The following FAM184A variants were observed in gnomAD, a reference collection of about 807,000 sequenced individuals.
The protein encoded by FAM184A is protein FAM184A.
FAM184A carries 99 observed loss-of-function variants against 143.8 expected under a neutral mutation model. That is an observed-to-expected ratio of 0.69 (90% CI 0.58 to 0.81). The LOEUF (loss-of-function observed/expected upper bound fraction) is 0.81, where lower values mean the gene tolerates loss of function less well. Ranked by LOEUF, FAM184A falls within the 40% of genes least tolerant of loss-of-function variation. The pLI, the probability that FAM184A is intolerant of heterozygous loss-of-function variation, is 0.00. For missense variants in FAM184A, 1,217 were observed against 1,310.5 expected, an observed-to-expected ratio of 0.93 and a Z score of 1.10; for synonymous variants, 427 against 446.4, an observed-to-expected ratio of 0.96 and a Z score of 0.55.
chr6:118,977,235 A>G (rs1422515363), intron 11 of FAM184A, among the ~76,000 whole-genome samples: 2 of 152,194 alleles, frequency 1.3e-5, no homozygotes, highest in Admixed American at 6.5e-5. Context: ...GATACACACA[A>G]TAACCTAGAT....
intron 1 of FAM184A, among the ~76,000 whole-genome samples, chr6:119,032,202 G>A (rs1392246899): frequency 6.6e-6 from 1 of 151,756 alleles, no homozygotes; most frequent in East Asian, 1.9e-4. Context: ...AACCTGAGAG[G>A]CGGAGGTTGC....
In FAM184A at chr6:119,063,351, G is replaced by A. The variant is rs570865027; in HGVS notation, c.159+14790C>T. On this transcript the variant is annotated intron_variant, in intron 1 of 17. Transcript: ENST00000338891. ...ACAATAAGACTTTACATTCTAAGAC[G>A]ATATATTCCATATTATTAGCCACAT... 6.2e-4 allele frequency among the ~76,000 whole-genome samples: 95 copies of A among 152,230 alleles called. 1 individual carries two copies. The highest frequency in any genetic ancestry group is 2.1e-3 in the African/African-American group (89 of 41,534).
intron 15 of FAM184A, 71 bp from the exon 16 acceptor site, chr6:118,964,842 C>T (rs765775033): frequency 2.9e-4 from 220 of 759,032 alleles, no homozygotes; most frequent in Non-Finnish European, 4.2e-4. Context: ...AATGTATAAA[C>T]GCCATTTCAT....
chr6:119,087,933 G>A (rs932327658), intron 1 of FAM184A, among the ~76,000 whole-genome samples: 9 of 152,056 alleles, frequency 5.9e-5, no homozygotes, highest in African/African-American at 2.2e-4. Flanking sequence ...AATGACACAT[G>A]GTCCATAAAT....
chr6:119,052,165 T>A (rs1786794184), intron 1 of FAM184A, among the ~76,000 whole-genome samples: 1 of 152,206 alleles, frequency 6.6e-6, no homozygotes, highest in Admixed American at 6.5e-5. Context: ...CAAGCATAAT[T>A]CAAAGACTGA....
At chr6:119,045,081 C>T (rs1360545160) in intron 1 of FAM184A, among the ~76,000 whole-genome samples, 3 of 152,140 alleles carry the variant, frequency 2.0e-5, no homozygotes, top group Non-Finnish European at 4.4e-5. Context: ...AACCTTTTGC[C>T]CCTTCATCCA....
chr6:119,068,234 A>G (rs998308238), intron 1 of FAM184A, among the ~76,000 whole-genome samples: 2 of 152,036 alleles, frequency 1.3e-5, no homozygotes, highest in Non-Finnish European at 2.9e-5. Context: ...TTTAGTAGAG[A>G]CAGGGTTTCA....
At chr6:119,043,421 T>C (rs1166105586) in intron 1 of FAM184A, among the ~76,000 whole-genome samples, 1 of 152,152 alleles carries the variant, frequency 6.6e-6, no homozygotes, top group Non-Finnish European at 1.5e-5. Flanking sequence ...CACAATCAAG[T>C]TTGCCTACTC....
At chr6:119,058,470 T>C (rs939161980) in intron 1 of FAM184A, among the ~76,000 whole-genome samples, 2 of 152,236 alleles carry the variant, frequency 1.3e-5, no homozygotes, top group African/African-American at 4.8e-5. Flanking sequence ...CCCAAAATGA[T>C]GGGATTACAG....
intron 1 of FAM184A, among the ~76,000 whole-genome samples, chr6:119,075,831 A>G (rs1787853283): frequency 1.3e-5 from 2 of 152,212 alleles, no homozygotes; most frequent in South Asian, 2.1e-4. Flanking sequence ...AGTATTTACA[A>G]TAAGTGTATA....
At chr6:119,057,846 T>G (rs953662816) in intron 1 of FAM184A, 14 of 147,758 alleles carry the variant, frequency 9.5e-5, no homozygotes, top group African/African-American at 2.2e-4. Flanking sequence ...CTTCTGTGTT[T>G]TTTTTTTTTT....
At chr6:119,021,464 G>A (rs752511662) in intron 3 of FAM184A, among the ~76,000 whole-genome samples, 5 of 152,194 alleles carry the variant, frequency 3.3e-5, no homozygotes, top group African/African-American at 1.2e-4. Flanking sequence ...ATGAACTGCT[G>A]TAATTTACAA....
chr6:119,028,733 G>A (rs1417901956), intron 1 of FAM184A, among the ~76,000 whole-genome samples: 1 of 152,132 alleles, frequency 6.6e-6, no homozygotes, highest in Non-Finnish European at 1.5e-5. Context: ...AGCCATTCTA[G>A]CAAATTAATC....
chr6:119,057,175 A>C (rs1787010974), intron 1 of FAM184A, among the ~76,000 whole-genome samples: 1 of 152,224 alleles, frequency 6.6e-6, no homozygotes, highest in Non-Finnish European at 1.5e-5. Context: ...TTACTAATGA[A>C]GTAAAGATCC....
chr6:119,146,846 T>G (rs1339152432), intron 1 of FAM184A, among the ~76,000 whole-genome samples: 1 of 152,008 alleles, frequency 6.6e-6, no homozygotes, highest in Non-Finnish European at 1.5e-5. Context: ...AGATTGGAGC[T>G]CTTCCAACTC....
At chr6:119,011,951 A>G (rs1283700401) in intron 5 of FAM184A, among the ~76,000 whole-genome samples, 1 of 152,250 alleles carries the variant, frequency 6.6e-6, no homozygotes, top group Admixed American at 6.5e-5. Flanking sequence ...AACAAAGGCA[A>G]TAAGATATGG....
intron 1 of FAM184A, among the ~76,000 whole-genome samples, chr6:119,068,692 A>G (rs1300402533): frequency 6.6e-6 from 1 of 152,170 alleles, no homozygotes; most frequent in African/African-American, 2.4e-5. Flanking sequence ...CCGGCTGCCC[A>G]TGAGAAACCT....
chr6:118,995,172 C>G (rs536715510), intron 9 of FAM184A, among the ~76,000 whole-genome samples: 1 of 152,210 alleles, frequency 6.6e-6, no homozygotes. Flanking sequence ...AATCCCAGCA[C>G]TTTGGGAGGC....
intron 1 of FAM184A, among the ~76,000 whole-genome samples, chr6:119,061,531 C>CCT (rs1787243876): frequency 3.4e-5 from 2 of 58,530 alleles, no homozygotes; most frequent in African/African-American, 1.5e-4. Context: ...AATTATTTTT[C>CCT]TTTTTTTTTT....
Sources: gnomAD v4.1 joint callset for allele counts (sites outside exome capture counted in the v4.1 genomes callset) on GRCh38, gnomAD v4.1.1 for gene constraint, MANE v1.5 for transcripts, NCBI Gene and HGNC (gene_info 2026-07-23, HGNC 2026-07-21) for gene names.